TMEM117: variants seen among roughly 807,000 people sequenced by gnomAD.
TMEM117 encodes transmembrane protein 117.
In TMEM117, 27 loss-of-function variants were observed where a neutral mutation model predicts 52.4. The observed-to-expected ratio is 0.51, with a 90% CI of 0.38 to 0.71. The LOEUF is 0.71. TMEM117 is among the 30% of genes least tolerant of loss of function. TMEM117 has a pLI of 0.00. For synonymous variants in TMEM117, 215 were observed against 206.3 expected (o/e 1.04, Z -0.36); for missense variants, 556 against 630.5 (o/e 0.88, Z 1.26).
At chr12:44,265,194 CCAA>C (rs1473570928) in intron 5 of TMEM117, among the ~76,000 whole-genome samples, 1 of 152,082 alleles carries the variant, frequency 6.6e-6, no homozygotes, top group African/African-American at 2.4e-5. Flanking sequence ...AGGAAAGAGA[CCAA>C]CTAATCCAAA....
In TMEM117 at chr12:44,103,680, G is replaced by A. The variant is rs1947902881; in HGVS notation, c.411-39845G>A. On this transcript the variant is annotated intron_variant, in intron 3 of 7. Transcript: ENST00000266534. ...AGTCCTGAAACTTTGCATGCTGATG[G>A]ATCCCAGCACTTGCTACTGGAATCC... Among the ~76,000 whole-genome samples, 7 of 152,008 alleles carry A rather than the reference G, an allele frequency of 4.6e-5. No individual in the cohort carries two copies. In the South Asian group the frequency reaches 1.5e-3, roughly 32 times the overall value.
chr12:43,994,386 T>A (rs1945994518), intron 3 of TMEM117, among the ~76,000 whole-genome samples: 1 of 152,208 alleles, frequency 6.6e-6, no homozygotes, highest in African/African-American at 2.4e-5. Flanking sequence ...TATCTTATAT[T>A]CCTATCTCTC....
intron 2 of TMEM117, among the ~76,000 whole-genome samples, chr12:43,872,666 G>T (rs550680019): frequency 6.6e-6 from 1 of 152,228 alleles, no homozygotes; most frequent in African/African-American, 2.4e-5. Context: ...CACTCACAAA[G>T]GTATTTTTGA....
intron 3 of TMEM117, among the ~76,000 whole-genome samples, chr12:44,080,540 T>A (rs901844059): frequency 1.3e-5 from 2 of 152,128 alleles, no homozygotes; most frequent in Admixed American, 1.3e-4. Context: ...ATAAAGATGA[T>A]GTTTTTAAGA....
chr12:44,380,030 TG>T (rs1357506515), intron 7 of TMEM117, among the ~76,000 whole-genome samples: 4 of 152,232 alleles, frequency 2.6e-5, no homozygotes, highest in African/African-American at 9.6e-5. Flanking sequence ...CTGTCAAGCA[TG>T]GCAAGTGATA....
intron 2 of TMEM117, among the ~76,000 whole-genome samples, chr12:43,923,657 G>C (rs1944730718): frequency 6.6e-6 from 1 of 152,100 alleles, no homozygotes. Context: ...TGAAGTTGGA[G>C]GTTTGCATAT....
chr12:44,314,460 A>G (rs1282257018), intron 6 of TMEM117, among the ~76,000 whole-genome samples: 1 of 151,760 alleles, frequency 6.6e-6, no homozygotes, highest in Admixed American at 6.6e-5. Flanking sequence ...GATTGTGGTG[A>G]CTTAACTTTT....
intron 3 of TMEM117, among the ~76,000 whole-genome samples, chr12:43,995,345 G>T (rs994509124): frequency 6.6e-6 from 1 of 151,766 alleles, no homozygotes; most frequent in African/African-American, 2.4e-5. Context: ...GAAGCCTGTG[G>T]TTTTTTTCCC....
intron 6 of TMEM117, among the ~76,000 whole-genome samples, chr12:44,372,751 T>C (rs1951882526): frequency 6.6e-6 from 1 of 152,190 alleles, no homozygotes. Context: ...ATGATGTCAC[T>C]TTCCATAGTT....
chr12:44,200,447 C>T (rs1040820316), intron 4 of TMEM117, among the ~76,000 whole-genome samples: 1 of 152,084 alleles, frequency 6.6e-6, no homozygotes, highest in African/African-American at 2.4e-5. Flanking sequence ...TTATTTAGGT[C>T]ATCTGATGGA....
At chr12:43,913,895 A>T (rs1410027496) in intron 2 of TMEM117, among the ~76,000 whole-genome samples, 1 of 152,194 alleles carries the variant, frequency 6.6e-6, no homozygotes, top group East Asian at 1.9e-4. Flanking sequence ...CCAAATATTA[A>T]CTATATCATG....
At chr12:44,306,864 T>C (rs1565695339) in intron 6 of TMEM117, among the ~76,000 whole-genome samples, 1 of 152,244 alleles carries the variant, frequency 6.6e-6, no homozygotes, top group African/African-American at 2.4e-5. Context: ...TATCTAAATA[T>C]AAATCTGAAT....
intron 5 of TMEM117, among the ~76,000 whole-genome samples, chr12:44,213,379 A>G (rs758364703): frequency 6.6e-6 from 1 of 152,212 alleles, no homozygotes; most frequent in Non-Finnish European, 1.5e-5. Flanking sequence ...AAGAACATAC[A>G]GTTCTTGGGA....
At chr12:44,242,073 A>C (rs1056422504) in intron 5 of TMEM117, among the ~76,000 whole-genome samples, 9 of 151,354 alleles carry the variant, frequency 5.9e-5, no homozygotes, top group African/African-American at 2.2e-4. Context: ...CTTTGTGAAT[A>C]TTTAACATTC....
intron 6 of TMEM117, among the ~76,000 whole-genome samples, chr12:44,374,269 GGC>G (rs1303426858): frequency 2.0e-5 from 3 of 152,024 alleles, no homozygotes; most frequent in Admixed American, 2.0e-4. Flanking sequence ...AGAGAATGGA[GGC>G]AAGGCTTTAA....
At position 44,382,039 on chromosome 12, in the gene TMEM117, C is replaced by G. The variant is rs145683119; in HGVS notation, c.898+5315C>G. Among the ~76,000 whole-genome samples, 306 of 152,320 alleles carry G rather than the reference C, an allele frequency of 2.0e-3. 1 individual carries two copies. The highest frequency in any genetic ancestry group is 7.0e-3 in the African/African-American group (293 of 41,578). ...TCTCTCAGTTGTGAATTTTTCCAAACCTTTCCTCAAGCAATTTTCATTTTC... is the reference window on the plus strand; with the variant it reads ...TCTCTCAGTTGTGAATTTTTCCAAAGCTTTCCTCAAGCAATTTTCATTTTC... On this transcript the variant is annotated intron_variant, in intron 7 of 7. Coordinates refer to ENST00000266534, the MANE Select transcript of TMEM117 (RefSeq NM_032256.3).
chr12:44,043,366 A>C (rs994731807), intron 3 of TMEM117, among the ~76,000 whole-genome samples: 2 of 152,194 alleles, frequency 1.3e-5, no homozygotes. Context: ...CCAGGTGTCT[A>C]CTGTTAAAGT....
chr12:43,841,948 C>T (rs1015180874), intron 1 of TMEM117, among the ~76,000 whole-genome samples: 19 of 152,068 alleles, frequency 1.2e-4, no homozygotes, highest in African/African-American at 3.9e-4. Context: ...TCTTCACTGG[C>T]GAAAGAAGCA....
intron 7 of TMEM117, among the ~76,000 whole-genome samples, chr12:44,377,259 C>A (rs1348227437): frequency 6.6e-6 from 1 of 152,096 alleles, no homozygotes; most frequent in Non-Finnish European, 1.5e-5. Context: ...ATGGGTTTTT[C>A]ACCACATAGA....
Sources: allele counts gnomAD v4.1 joint callset (sites outside exome capture counted in the v4.1 genomes callset), GRCh38; gene constraint gnomAD v4.1.1; transcripts MANE v1.5; gene names NCBI Gene and HGNC (gene_info 2026-07-23, HGNC 2026-07-21).